CATSPERE: variants seen among roughly 807,000 people sequenced by gnomAD.
CATSPERE encodes cation channel sperm-associated auxiliary subunit epsilon.
A neutral mutation model predicts 114.1 loss-of-function variants in CATSPERE; 93 were observed. That is an observed-to-expected ratio of 0.81 (90% CI 0.69 to 0.97). The LOEUF is 0.97. Among genes scored for constraint, CATSPERE ranks in the 50% least tolerant of loss-of-function variants. The pLI, the probability that CATSPERE is intolerant of heterozygous loss-of-function variation, is 0.00. For synonymous variants in CATSPERE, 341 were observed against 384.1 expected, an observed-to-expected ratio of 0.89 and a Z score of 1.31; for missense variants, 1,058 against 1,131.6, an observed-to-expected ratio of 0.93 and a Z score of 0.93.
upstream of CATSPERE, chr1:244,452,005 G>C (rs928037740): frequency 1.8e-6 from 1 of 557,892 alleles, no homozygotes; most frequent in East Asian, 3.4e-5. Context: ...CCGCTCAAGG[G>C]GGTACCATGA....
intron 20 of CATSPERE, among the ~76,000 whole-genome samples, chr1:244,618,818 T>C (rs1341634036): frequency 6.6e-6 from 1 of 151,586 alleles, no homozygotes; most frequent in African/African-American, 2.4e-5. Context: ...AAGCTCTACA[T>C]GGATAATGGA....
chr1:244,451,589 C>T, upstream of CATSPERE: 2 of 1,558,716 alleles, frequency 1.3e-6, no homozygotes, highest in Non-Finnish European at 8.7e-7. The surrounding 1 kb of genome is among the most constrained non-coding windows in gnomAD (Gnocchi z 6.6). Flanking sequence ...GCCAGGCAGC[C>T]CGAGCTCCCG....
chr1:244,492,173 A>G (rs1192431306), intron 6 of CATSPERE, among the ~76,000 whole-genome samples: 2 of 151,658 alleles, frequency 1.3e-5, no homozygotes, highest in African/African-American at 4.8e-5. Context: ...ATCCTTGATG[A>G]ACATTGATGC....
chr1:244,456,630 G>C (rs759371145), upstream of CATSPERE, among the ~76,000 whole-genome samples: 29 of 152,150 alleles, frequency 1.9e-4, no homozygotes, highest in Non-Finnish European at 3.1e-4. Context: ...TCAGATATCA[G>C]ATTTGCTAAA....
Position 244,490,435 on chromosome 1 carries a change from T to C in CATSPERE, c.327-12T>C. 1 of 1,538,944 alleles carries C rather than the reference T, an allele frequency of 6.5e-7. No individual in the cohort carries two copies. Among genetic ancestry groups the C allele is most frequent in the Non-Finnish European group, 8.9e-7 (1 of 1,117,952 alleles). ...CTGTTTACTAAAATATGTTTCCTCTTTTTCCAAGCAGACATTTCTTTAACA... is the reference window on the plus strand; with the variant it reads ...CTGTTTACTAAAATATGTTTCCTCTCTTTCCAAGCAGACATTTCTTTAACA... On this transcript the variant is annotated splice_polypyrimidine_tract_variant and intron_variant, in intron 5 of 21. Transcript: ENST00000366534.
Position 244,561,076 on chromosome 1 carries a change from CAG to C in CATSPERE, c.1440_1441del (p.Gln480HisfsTer14). ...TAATTTCACCTTTACTGGGATTTTA[CAG>C]ACACCTGCAGGACATGGAAATCTAT... ...YHNFTFTGIL[Q>X]TPAGHGNLSM... is the part of the protein sequence containing the mutation. On this transcript the variant is annotated frameshift_variant, in exon 10 of 22. Coordinates refer to ENST00000366534, the MANE Select transcript of CATSPERE (RefSeq NM_001130957.2). LOFTEE classifies it high-confidence loss of function. The C allele has an allele frequency of 6.2e-7, 1 of 1,611,910 alleles. No homozygotes were observed. Among genetic ancestry groups the C allele is most frequent in the South Asian group, 1.1e-5 (1 of 91,042 alleles).
intron 18 of CATSPERE, among the ~76,000 whole-genome samples, chr1:244,609,078 C>T (rs898796435): frequency 6.6e-6 from 1 of 151,636 alleles, no homozygotes; most frequent in Non-Finnish European, 1.5e-5. Context: ...CCTAGCTACT[C>T]GGGAGGCTGA....
At chr1:244,630,227 G>T (rs1673752187) in intron 20 of CATSPERE, among the ~76,000 whole-genome samples, 1 of 152,192 alleles carries the variant, frequency 6.6e-6, no homozygotes, top group Non-Finnish European at 1.5e-5. Context: ...CAGTCAGTCT[G>T]ATAGCAAAGC....
At chr1:244,516,584 C>G (rs1029423644) in intron 7 of CATSPERE, among the ~76,000 whole-genome samples, 1 of 150,776 alleles carries the variant, frequency 6.6e-6, no homozygotes, top group Non-Finnish European at 1.5e-5. Flanking sequence ...TGCAGTGGCA[C>G]GATATCAACT....
chr1:244,480,701 G>A (rs375613165), intron 5 of CATSPERE, among the ~76,000 whole-genome samples: 109 of 69,778 alleles, frequency 1.6e-3, no homozygotes, highest in African/African-American at 4.6e-3. Context: ...TGCAGTTTAT[G>A]TGGAATTTTT....
chr1:244,564,091 G>A (rs1403305447), intron 10 of CATSPERE, among the ~76,000 whole-genome samples: 2 of 152,126 alleles, frequency 1.3e-5, no homozygotes, highest in Non-Finnish European at 2.9e-5. Context: ...TGAGGCCTCT[G>A]TTCTGTTCCA....
chr1:244,472,005 C>T (rs888615549), intron 2 of CATSPERE, among the ~76,000 whole-genome samples: 1 of 152,144 alleles, frequency 6.6e-6, no homozygotes, highest in Non-Finnish European at 1.5e-5. Context: ...TGTTGCCTAG[C>T]GTGGTGTGTG....
chr1:244,507,876 T>C (rs1354110464), intron 7 of CATSPERE, among the ~76,000 whole-genome samples: 1 of 152,218 alleles, frequency 6.6e-6, no homozygotes, highest in Non-Finnish European at 1.5e-5. Flanking sequence ...TACTATAGCT[T>C]TGTACTGTAC....
At chr1:244,461,026 C>T (rs1391567576), upstream of CATSPERE, among the ~76,000 whole-genome samples, 1 of 152,246 alleles carries the variant, frequency 6.6e-6, no homozygotes, top group Non-Finnish European at 1.5e-5. Flanking sequence ...AAGATTTGGG[C>T]TAAAAGACAC....
At chr1:244,608,254 A>C (rs377527191) in intron 18 of CATSPERE, among the ~76,000 whole-genome samples, 12 of 150,688 alleles carry the variant, frequency 8.0e-5, no homozygotes, top group African/African-American at 2.2e-4. Context: ...ATTTAAGGAC[A>C]GGGCATGGTG....
chr1:244,492,068 G>C (rs1365006947), intron 6 of CATSPERE, among the ~76,000 whole-genome samples: 1 of 150,440 alleles, frequency 6.6e-6, no homozygotes, highest in Non-Finnish European at 1.5e-5. Context: ...AATAGAAAAA[G>C]AGGGAATCCT....
chr1:244,582,493 C>T (rs960511392), intron 12 of CATSPERE, among the ~76,000 whole-genome samples: 3 of 151,308 alleles, frequency 2.0e-5, no homozygotes, highest in Admixed American at 6.6e-5. Flanking sequence ...ACCTCCACCT[C>T]GCAGGTTCAA....
At chr1:244,621,059 TA>T (rs1183870773) in intron 20 of CATSPERE, among the ~76,000 whole-genome samples, 36 of 42,800 alleles carry the variant, frequency 8.4e-4, no homozygotes, top group South Asian at 2.7e-3. Flanking sequence ...TAAATATATA[TA>T]AATATATATA....
chr1:244,519,766 A>C lies in CATSPERE; in HGVS notation c.536+1068A>C, dbSNP rs188609063. Among the ~76,000 whole-genome samples, 263 of 152,316 alleles carry C rather than the reference A, an allele frequency of 1.7e-3. 1 individual carries two copies. Among genetic ancestry groups the C allele is most frequent in the Middle Eastern group, 6.8e-3 (2 of 294 alleles). ...GATGGATGAATACAAACTATTGTAA[A>C]ATAAAAATTTGTAAAGTAGACAAGA... On this transcript the variant is annotated intron_variant, in intron 8 of 21. Transcript: ENST00000366534.
Sources: gnomAD v4.1 joint callset for allele counts (sites outside exome capture counted in the v4.1 genomes callset) on GRCh38, gnomAD v4.1.1 for gene constraint, Gnocchi (gnomAD v3.1) non-coding constraint, MANE v1.5 for transcripts, NCBI Gene and HGNC (gene_info 2026-07-23, HGNC 2026-07-21) for gene names.